The following QTRT1 variants were observed in gnomAD, a reference collection of about 807,000 sequenced individuals.
QTRT1 encodes TGT, 43-KD subunit.
A neutral mutation model predicts 44.0 loss-of-function variants in QTRT1; 41 were observed. The observed-to-expected ratio is 0.93, with a 90% confidence interval of 0.73 to 1.21. QTRT1 has a LOEUF of 1.21. Among genes scored for constraint, QTRT1 ranks in the 50% most tolerant of loss-of-function variants. The pLI is 0.00. For synonymous variants in QTRT1, 226 were observed against 237.1 expected, an observed-to-expected ratio of 0.95 and a Z score of 0.43; for missense variants, 542 against 575.8, an observed-to-expected ratio of 0.94 and a Z score of 0.60.
intron 5 of QTRT1, among the ~76,000 whole-genome samples, chr19:10,710,767 C>G (rs576252609): frequency 6.6e-6 from 1 of 151,372 alleles, no homozygotes; most frequent in Admixed American, 6.6e-5. Flanking sequence ...ATTAAAAATA[C>G]AAAAAATTAG....
chr19:10,708,017 G>A (rs1425025271), intron 5 of QTRT1, among the ~76,000 whole-genome samples: 15 of 150,686 alleles, frequency 1.0e-4, no homozygotes, highest in African/African-American at 3.4e-4. Flanking sequence ...GCGCGATCTC[G>A]GCTCACTGCA....
At chr19:10,711,747 C>T (rs558373883) in intron 5 of QTRT1, 69 of 249,708 alleles carry the variant, frequency 2.8e-4, no homozygotes, top group African/African-American at 1.5e-3. Flanking sequence ...CAGGCGTGAG[C>T]CACTGCGCCT....
chr19:10,709,936 G>A (rs368602657), intron 5 of QTRT1, among the ~76,000 whole-genome samples: 22 of 152,186 alleles, frequency 1.4e-4, no homozygotes, highest in African/African-American at 4.6e-4. Context: ...ATTTGAACCC[G>A]GGAGGTGGAG....
chr19:10,704,093 C>T lies in QTRT1; in HGVS notation c.451+1839C>T, dbSNP rs560429333. ...AACTCCTGACCTCAAGCGATCTGCC[C>T]GCCTTGGCCTCCCAAAGTGCTGGGA... On this transcript the variant is annotated intron_variant, in intron 3 of 9. Coordinates refer to ENST00000250237, the MANE Select transcript of QTRT1 (RefSeq NM_031209.3). 1.5e-3 allele frequency among the ~76,000 whole-genome samples: 230 copies of T among 152,072 alleles called. 1 individual carries two copies. The highest frequency in any genetic ancestry group is 5.4e-3 in the African/African-American group (223 of 41,494).
At chr19:10,707,418 G>T in intron 4 of QTRT1, 38 bp downstream of exon 4, 1 of 1,611,078 alleles carries the variant, frequency 6.2e-7, no homozygotes, top group Non-Finnish European at 8.5e-7. Flanking sequence ...GATATGTGGT[G>T]GGAGGGGATC....
chr19:10,708,264 CTTTA>C (rs1223099134), intron 5 of QTRT1, among the ~76,000 whole-genome samples: 1 of 151,958 alleles, frequency 6.6e-6, no homozygotes, highest in African/African-American at 2.4e-5. Context: ...TACCTGGCCT[CTTTA>C]TTTATTTTTG....
rs777253645 is a variant in QTRT1 at position 10,712,647 on chromosome 19, G to A, written c.861+19G>A. ...GACAGCGGTGAGGCTCTGGCAGAAG[G>A]AGGTCAGGGCGGGAGACGGGTGGGG... is the stretch of plus-strand genomic sequence containing the variant. On this transcript the variant is annotated intron_variant, in intron 7 of 9. Transcript: ENST00000250237. The surrounding 1 kb of genome is among the most constrained non-coding windows in gnomAD (Gnocchi z 5.6). 7.0e-6 allele frequency: 11 copies of A among 1,567,860 alleles called. No individual in the cohort carries two copies. The highest frequency in any genetic ancestry group is 9.6e-6 in the Non-Finnish European group (11 of 1,150,572).
At chr19:10,703,150 C>T (rs929385713) in intron 3 of QTRT1, among the ~76,000 whole-genome samples, 36 of 150,998 alleles carry the variant, frequency 2.4e-4, no homozygotes, top group African/African-American at 8.8e-4. Context: ...GCAACCTCCA[C>T]CTCCTGGGTT....
At chr19:10,706,226 G>C (rs2068713062) in intron 3 of QTRT1, among the ~76,000 whole-genome samples, 1 of 151,804 alleles carries the variant, frequency 6.6e-6, no homozygotes. Context: ...GGGTCTCTCT[G>C]TGTTGCCCAG....
At position 10,707,299 on chromosome 19, in the gene QTRT1, C is replaced by T. The variant is rs146136246; in HGVS notation, c.452-3C>T. On this transcript the variant is annotated splice_region_variant and splice_polypyrimidine_tract_variant and intron_variant, in intron 3 of 9. Transcript: ENST00000250237. ...AGTGATGTTGCCCCCATCTCACCAT[C>T]AGGCTCGGACATCATCATGCAGCTG... is the stretch of plus-strand genomic sequence containing the variant. 2 of 1,614,172 alleles carry T rather than the reference C, an allele frequency of 1.2e-6. No individual in the cohort carries two copies. The highest frequency in any genetic ancestry group is 1.7e-6 in the Non-Finnish European group (2 of 1,180,006).
chr19:10,702,858 C>T (rs1490927741), intron 3 of QTRT1, among the ~76,000 whole-genome samples: 2 of 145,990 alleles, frequency 1.4e-5, no homozygotes, highest in Admixed American at 7.1e-5. Flanking sequence ...CAACCTCTGC[C>T]TCCCGGGTTC....
chr19:10,704,715 G>A (rs929467391), intron 3 of QTRT1, among the ~76,000 whole-genome samples: 1 of 151,902 alleles, frequency 6.6e-6, no homozygotes, highest in Non-Finnish European at 1.5e-5. Context: ...AGCCTCCCGA[G>A]TAGCTGGGAT....
intron 3 of QTRT1, among the ~76,000 whole-genome samples, chr19:10,706,535 G>A (rs1003508325): frequency 2.0e-5 from 3 of 151,606 alleles, no homozygotes; most frequent in Admixed American, 1.3e-4. Context: ...ACCACGCCCG[G>A]CTAATTTTTG....
In QTRT1 at chr19:10,713,179, G is replaced by C. The variant is rs146321060; in HGVS notation, c.1121G>C (p.Arg374Pro). The C allele has an allele frequency of 6.2e-7, 1 of 1,609,706 alleles. No individual in the cohort carries two copies. Among genetic ancestry groups the C allele is most frequent in the Non-Finnish European group, 8.5e-7 (1 of 1,178,122 alleles). The change falls in exon 10 of 10, where the codon CGG (arginine) becomes CCG (proline). Residue 374 changes from arginine to proline, a missense_variant. Physicochemically the swap from Arg to Pro is moderately radical, Grantham distance 103. Transcript: ENST00000250237. The surrounding 1 kb of genome is among the most constrained non-coding windows in gnomAD (Gnocchi z 4.3). Reference sequence around the variant, plus strand: ...GAGAAGCGCTTCCCGGACTTCGTGCGGGACTTCATGGGCGCCATGTACGGG... The same window carrying C: ...GAGAAGCGCTTCCCGGACTTCGTGCCGGACTTCATGGGCGCCATGTACGGG... ...IVEKRFPDFV[R>P]DFMGAMYGDP...
Position 10,712,753 on chromosome 19 carries a change from C to T in QTRT1, c.862-5C>T. On this transcript the variant is annotated splice_region_variant and splice_polypyrimidine_tract_variant and intron_variant, in intron 7 of 9. Transcript: ENST00000250237. The surrounding 1 kb of genome is among the most constrained non-coding windows in gnomAD (Gnocchi z 5.6). ...GCCCCTTTCCCTGCCCTTCCTCTCC[C>T]ACAGCGCTTTGGCTCTGCCCTGGTG... The T allele has an allele frequency of 6.2e-7, 1 of 1,613,434 alleles. No individual in the cohort carries two copies.
chr19:10,704,460 A>AT (rs2068703543), intron 3 of QTRT1, among the ~76,000 whole-genome samples: 6 of 150,716 alleles, frequency 4.0e-5, no homozygotes, highest in African/African-American at 9.8e-5. Context: ...CGCCCAGCTA[A>AT]TTTTTTTGTA....
chr19:10,710,190 A>C (rs1180855678), intron 5 of QTRT1, among the ~76,000 whole-genome samples: 1 of 152,188 alleles, frequency 6.6e-6, no homozygotes, highest in African/African-American at 2.4e-5. Flanking sequence ...GTCTCAAAAA[A>C]AAAGAAGAAA....
Position 10,702,218 on chromosome 19 carries a change from A to G in QTRT1, c.415A>G (p.Ser139Gly), listed in dbSNP as rs753922797. Residue 139 changes from serine to glycine, a missense_variant, in exon 3 of 10, where the codon AGC (serine) becomes GGC (glycine). Physicochemically the swap from Ser to Gly is moderately conservative, Grantham distance 56. Coordinates refer to ENST00000250237, the MANE Select transcript of QTRT1 (RefSeq NM_031209.3). ...CTACGACGGCAATGAGACCCTGCTGAGCCCGGAGAAATCCGTGCAGATCCA... is the reference window on the plus strand; with the variant it reads ...CTACGACGGCAATGAGACCCTGCTGGGCCCGGAGAAATCCGTGCAGATCCA... Reference protein sequence around the residue: ...SPYDGNETLLSPEKSVQIQNA... With the variant: ...SPYDGNETLLGPEKSVQIQNA... 1.9e-6 allele frequency: 3 copies of G among 1,614,098 alleles called. No homozygotes were observed. Among genetic ancestry groups the G allele is most frequent in the Non-Finnish European group, 1.7e-6 (2 of 1,180,020 alleles).
At chr19:10,710,366 G>A (rs2068732831) in intron 5 of QTRT1, among the ~76,000 whole-genome samples, 1 of 151,758 alleles carries the variant, frequency 6.6e-6, no homozygotes, top group Non-Finnish European at 1.5e-5. Flanking sequence ...GTCCAGGCTG[G>A]AGTGCAGTGG....
Sources: allele counts gnomAD v4.1 joint callset (sites outside exome capture counted in the v4.1 genomes callset), GRCh38; gene constraint gnomAD v4.1.1; non-coding constraint Gnocchi (gnomAD v3.1); transcripts MANE v1.5; gene names NCBI Gene and HGNC (gene_info 2026-07-23, HGNC 2026-07-21).